The following CACNA1B variants were observed in gnomAD, a reference collection of about 807,000 sequenced individuals.
CACNA1B encodes voltage-dependent N-type calcium channel subunit alpha-1B.
A neutral mutation model predicts 247.2 loss-of-function variants in CACNA1B; 70 were observed. The ratio of observed to expected loss-of-function variants is 0.28; its 90% CI spans 0.23 to 0.35. The LOEUF is 0.35. Among genes scored for constraint, CACNA1B ranks in the 10% least tolerant of loss-of-function variants. CACNA1B has a pLI of 1.00. For missense variants in CACNA1B, 2,367 were observed against 3,197.4 expected, an observed-to-expected ratio of 0.74 and a Z score of 6.26; for synonymous variants, 1,231 against 1,294.4, an observed-to-expected ratio of 0.95 and a Z score of 1.05.
rs774609541 is a variant in CACNA1B, at chr9:137,899,386, T to G, written c.531-13794T>G. On this transcript the variant is annotated intron_variant, in intron 3 of 46. Coordinates refer to ENST00000371372, the MANE Select transcript of CACNA1B (RefSeq NM_000718.4). This position sits in a 1 kb window ranked among gnomAD's most constrained non-coding sequence, Gnocchi z 5.0. ...GGGATTGGGATATGCTTTCTTAACC[T>G]CAGTTTCCTTCTCTTACAAAGAACT... is the stretch of plus-strand genomic sequence containing the variant. Among the ~76,000 whole-genome samples the G allele has an allele frequency of 1.3e-5, 2 of 152,138 alleles. No homozygotes were observed. The highest frequency in any genetic ancestry group is 2.9e-5 in the Non-Finnish European group (2 of 68,030).
In CACNA1B at chr9:137,957,493, G is replaced by A. The variant is rs1319086038; in HGVS notation, c.1244-105G>A. 2.7e-6 allele frequency: 2 copies of A among 746,314 alleles called. No homozygotes were observed. The highest frequency in any genetic ancestry group is 3.6e-5 in the African/African-American group (2 of 55,460). 46.2% of individuals were successfully genotyped at this position (746,314 alleles called of 1,614,324 possible). A position where few individuals can be genotyped will look rare whatever the true frequency, so the allele number is the denominator to read the frequency against. On this transcript the variant is annotated intron_variant, in intron 9 of 46. Coordinates refer to ENST00000371372, the MANE Select transcript of CACNA1B (RefSeq NM_000718.4). This position sits in a 1 kb window ranked among gnomAD's most constrained non-coding sequence, Gnocchi z 4.7. ...AGCCCCAGTTCAGGACAGGAGCTCA[G>A]GAGAGGTCACTGGTCCCAGGGGGAG...
chr9:137,897,331 G>A (rs1177342183), intron 3 of CACNA1B, among the ~76,000 whole-genome samples: 1 of 152,112 alleles, frequency 6.6e-6, no homozygotes, highest in Non-Finnish European at 1.5e-5. Context: ...TGTAATCCCA[G>A]CACTTTGGGA....
intron 11 of CACNA1B, among the ~76,000 whole-genome samples, chr9:137,972,182 G>A (rs1958160545): frequency 6.6e-6 from 1 of 152,352 alleles, no homozygotes; most frequent in South Asian, 2.1e-4. Context: ...GCCAGGATGG[G>A]CCCCTCCAGG....
intron 15 of CACNA1B, among the ~76,000 whole-genome samples, chr9:137,995,406 C>G (rs57367319): frequency 0.059 from 8,912 of 152,052 alleles, 370 homozygotes; most frequent in African/African-American, 0.12. Flanking sequence ...TGATCTTTGA[C>G]AAAATAAACA....
In CACNA1B at chr9:137,914,733, C is replaced by A. The variant is rs772290130; in HGVS notation, c.702C>A (p.Ile234=). Residue 234 remains isoleucine (I), a synonymous_variant, in exon 5 of 47, where the codon ATC becomes ATA. Transcript: ENST00000371372. This position sits in a 1 kb window ranked among gnomAD's most constrained non-coding sequence, Gnocchi z 4.3. ...TTGGGCTGCTTCTCTTCTTTGCCAT[C>A]CTCATGTTTGCCATCATTGGCCTGG... ...LQIGLLLFFA[I]LMFAIIGLEF... is the part of the protein sequence containing the mutation. 34 of 1,613,978 alleles carry A rather than the reference C, an allele frequency of 2.1e-5. No individual in the cohort carries two copies. Among genetic ancestry groups the A allele is most frequent in the Non-Finnish European group, 2.9e-5 (34 of 1,179,874 alleles).
chr9:138,075,536 G>C (rs2131315988), intron 34 of CACNA1B, among the ~76,000 whole-genome samples: 1 of 152,358 alleles, frequency 6.6e-6, no homozygotes, highest in African/African-American at 2.4e-5. Flanking sequence ...GTTACGTGTG[G>C]CAGAGGCCTC....
In CACNA1B at chr9:137,888,803, C is replaced by T. The variant is rs566342293; in HGVS notation, c.530+5920C>T. Reference sequence around the variant, plus strand: ...CTCCTGTTCTTTTGGGCTTTGTGGACGCAGGCCGATTCAGATGGTGGCAGG... The same window carrying T: ...CTCCTGTTCTTTTGGGCTTTGTGGATGCAGGCCGATTCAGATGGTGGCAGG... On this transcript the variant is annotated intron_variant, in intron 3 of 46. Transcript: ENST00000371372. The surrounding 1 kb of genome is among the most constrained non-coding windows in gnomAD (Gnocchi z 4.7). 1.3e-5 allele frequency among the ~76,000 whole-genome samples: 2 copies of T among 152,154 alleles called. No individual in the cohort carries two copies. Among genetic ancestry groups the T allele is most frequent in the Admixed American group, 6.5e-5 (1 of 15,286 alleles).
In CACNA1B at chr9:138,026,085, G is replaced by C. The variant is rs575857377; in HGVS notation, c.3286+913G>C. 3.3e-5 allele frequency among the ~76,000 whole-genome samples: 5 copies of C among 152,318 alleles called. No homozygotes were observed. In the East Asian group the frequency reaches 9.6e-4, roughly 29 times the overall value. ...GTTTGCAGATGCATCCGCACACACA[G>C]ACGTGTGCGTGCCCATGTTTGCAGA... On this transcript the variant is annotated intron_variant, in intron 20 of 46. Coordinates refer to ENST00000371372, the MANE Select transcript of CACNA1B (RefSeq NM_000718.4).
rs1277203504 is a variant in CACNA1B at position 137,917,728 on chromosome 9, T to C, written c.966+297T>C. ...TCAGAGAAGAAAACTCCAGAGGAGA[T>C]GCTGCTGTTTCTGTTGGCAAGGACG... On this transcript the variant is annotated intron_variant, in intron 6 of 46. Coordinates refer to ENST00000371372, the MANE Select transcript of CACNA1B (RefSeq NM_000718.4). The surrounding 1 kb of genome is among the most constrained non-coding windows in gnomAD (Gnocchi z 5.5). 1.3e-4 allele frequency among the ~76,000 whole-genome samples: 20 copies of C among 152,308 alleles called. No individual in the cohort carries two copies. Among genetic ancestry groups the C allele is most frequent in the Admixed American group, 5.9e-4 (9 of 15,310 alleles).
intron 21 of CACNA1B, among the ~76,000 whole-genome samples, chr9:138,044,830 C>T (rs1959169658): frequency 6.6e-6 from 1 of 152,240 alleles, no homozygotes; most frequent in African/African-American, 2.4e-5. Context: ...CTCCCTGCCT[C>T]CTCCCCCCAG....
chr9:137,955,737 C>G lies in CACNA1B; in HGVS notation c.1110C>G (p.Arg370=). ...AKERERVENR[R]AFLKLRRQQQ... is the part of the protein sequence containing the mutation. ...AGCGAGAGAGGGTGGAGAACCGCCG[C>G]GCCTTCCTGAAGCTGCGCCGGCAGC... The change falls in exon 8 of 47, where the codon CGC becomes CGG. Residue 370 remains arginine (R), a synonymous_variant. Coordinates refer to ENST00000371372, the MANE Select transcript of CACNA1B (RefSeq NM_000718.4). This position sits in a 1 kb window ranked among gnomAD's most constrained non-coding sequence, Gnocchi z 6.9. 6.2e-7 allele frequency: 1 copy of G among 1,613,118 alleles called. No homozygotes were observed. Among genetic ancestry groups the G allele is most frequent in the Non-Finnish European group, 8.5e-7 (1 of 1,179,550 alleles).
chr9:137,949,093 T>TG (rs1957837885), intron 6 of CACNA1B, among the ~76,000 whole-genome samples: 18 of 81,824 alleles, frequency 2.2e-4, no homozygotes, highest in African/African-American at 3.6e-4. Flanking sequence ...GTGTGTGGTG[T>TG]GTGCATGTTT....
At chr9:138,111,509 A>C (rs1161363796) in intron 39 of CACNA1B, among the ~76,000 whole-genome samples, 1 of 150,686 alleles carries the variant, frequency 6.6e-6, no homozygotes, top group East Asian at 1.9e-4. Context: ...GGGTCGACTC[A>C]AGGGAGCACA....
chr9:138,077,931 T>C (rs930680960), intron 35 of CACNA1B, among the ~76,000 whole-genome samples, 183 bp from the exon 36 acceptor site: 1 of 152,176 alleles, frequency 6.6e-6, no homozygotes, highest in Non-Finnish European at 1.5e-5. Context: ...CAATTAATGC[T>C]CAGTTTGGAA....
intron 42 of CACNA1B, 136 bp from the exon 43 acceptor site, chr9:138,117,810 T>C (rs1397747334): frequency 4.8e-6 from 3 of 625,480 alleles, no homozygotes; most frequent in Non-Finnish European, 8.0e-6. Context: ...CTCAATTCAG[T>C]CCAGAACAGG....
intron 40 of CACNA1B, 123 bp from the exon 41 acceptor site, chr9:138,114,255 A>C (rs1961775128): frequency 3.2e-6 from 2 of 631,630 alleles, no homozygotes; most frequent in Non-Finnish European, 5.7e-6. Context: ...GTCCCAGTGC[A>C]TTTCCAGGAG....
intron 15 of CACNA1B, among the ~76,000 whole-genome samples, chr9:137,991,602 G>C (rs1242201111): frequency 6.6e-6 from 1 of 152,180 alleles, no homozygotes. Flanking sequence ...AAAATTCATT[G>C]CAGAAGAATT....
In CACNA1B at chr9:138,071,783, G is replaced by A. The variant is rs13293431; in HGVS notation, c.4675-1705G>A. Among the ~76,000 whole-genome samples, 702 of 152,178 alleles carry A rather than the reference G, an allele frequency of 4.6e-3. 1 individual carries two copies. The highest frequency in any genetic ancestry group is 7.6e-3 in the Non-Finnish European group (515 of 68,016). On this transcript the variant is annotated intron_variant, in intron 32 of 46. Coordinates refer to ENST00000371372, the MANE Select transcript of CACNA1B (RefSeq NM_000718.4). ...CCTTTATTTTCCCCAGTGTCTTCAG[G>A]GAATCTTGTCTGTGCCACTGCCTGA...
At position 138,073,394 on chromosome 9, in the gene CACNA1B, C is replaced by T; in HGVS notation, c.4675-94C>T. The T allele has an allele frequency of 1.4e-6, 1 of 733,420 alleles. No individual in the cohort carries two copies. Among genetic ancestry groups the T allele is most frequent in the Non-Finnish European group, 2.5e-6 (1 of 404,728 alleles). 45.4% of individuals were successfully genotyped at this position (733,420 alleles called of 1,614,324 possible). A position where few individuals can be genotyped will look rare whatever the true frequency, so the allele number is the denominator to read the frequency against. On this transcript the variant is annotated intron_variant, in intron 32 of 46. Transcript: ENST00000371372. This position sits in a 1 kb window ranked among gnomAD's most constrained non-coding sequence, Gnocchi z 6.4. Reference sequence around the variant, plus strand: ...TCTTTTTAACCACTTTTCTTTGGGGCCACAGGGATGTGGGAAGAGGTTGTA... The same window carrying T: ...TCTTTTTAACCACTTTTCTTTGGGGTCACAGGGATGTGGGAAGAGGTTGTA...
Sources: gnomAD v4.1 joint callset for allele counts (sites outside exome capture counted in the v4.1 genomes callset) on GRCh38, gnomAD v4.1.1 for gene constraint, Gnocchi (gnomAD v3.1) non-coding constraint, MANE v1.5 for transcripts, NCBI Gene and HGNC (gene_info 2026-07-23, HGNC 2026-07-21) for gene names.